RNF17: variants seen among roughly 807,000 people sequenced by gnomAD.
The protein encoded by RNF17 is ring finger protein 17, also known as spermatogenesis associated 23.
RNF17 carries 31 observed loss-of-function variants against 200.5 expected under a neutral mutation model. The observed-to-expected ratio is 0.15, with a 90% CI of 0.12 to 0.21. The LOEUF is 0.21. Ranked by LOEUF, RNF17 falls within the 10% of genes least tolerant of loss-of-function variation. The probability of loss-of-function intolerance (pLI) is 1.00; values close to 1 mark genes in which losing one functional copy is unlikely to be tolerated. For synonymous variants in RNF17, 606 were observed against 637.8 expected (o/e 0.95, Z 0.75); for missense variants, 1,628 against 1,905.1 (o/e 0.85, Z 2.71).
At chr13:24,887,289 G>A in the RNF17 span, among the ~76,000 whole-genome samples, 1 of 152,092 alleles carries the variant, frequency 6.6e-6, no homozygotes. Context: ...TTATACCAGG[G>A]GGCCCCAAAC....
chr13:24,794,938 A>G (rs12429116), intron 10 of RNF17, among the ~76,000 whole-genome samples: 18,872 of 152,118 alleles, frequency 0.12, 1,280 homozygotes, highest in Admixed American at 0.15. Context: ...GGCTGATCTC[A>G]AAACTCCTGT....
intron 34 of RNF17, among the ~76,000 whole-genome samples, chr13:24,878,179 A>G (rs1232134148): frequency 2.0e-5 from 3 of 152,182 alleles, no homozygotes; most frequent in East Asian, 1.9e-4. Flanking sequence ...CACACTGGCT[A>G]TGACAAAAAT....
chr13:24,821,143 ATC>A (rs967223037), intron 15 of RNF17, among the ~76,000 whole-genome samples: 1 of 151,928 alleles, frequency 6.6e-6, no homozygotes, highest in African/African-American at 2.4e-5. Flanking sequence ...CATCACCCTG[ATC>A]TCTCCCTTCA....
intron 2 of RNF17, among the ~76,000 whole-genome samples, chr13:24,773,086 G>T (rs1385822463): frequency 6.6e-6 from 1 of 152,198 alleles, no homozygotes; most frequent in Non-Finnish European, 1.5e-5. Flanking sequence ...GGAGAAAAGA[G>T]AATGCTTATA....
intron 27 of RNF17, among the ~76,000 whole-genome samples, chr13:24,862,105 C>T (rs1373919949): frequency 6.6e-6 from 1 of 152,194 alleles, no homozygotes; most frequent in Non-Finnish European, 1.5e-5. Context: ...ATGATCCAGT[C>T]ACCTCCCACC....
intron 32 of RNF17, among the ~76,000 whole-genome samples, chr13:24,872,612 G>T (rs561354400): frequency 7.2e-5 from 11 of 152,252 alleles, no homozygotes; most frequent in African/African-American, 2.4e-4. Context: ...CTCAAGAACA[G>T]GTGCTCTAAG....
chr13:24,833,533 G>A (rs890265714), intron 18 of RNF17, among the ~76,000 whole-genome samples: 2 of 152,136 alleles, frequency 1.3e-5, no homozygotes, highest in Admixed American at 6.5e-5. Context: ...ATCATGTTTC[G>A]TGGGGTTTTT....
intron 27 of RNF17, 77 bp downstream of exon 27, chr13:24,861,464 A>G: frequency 9.5e-7 from 1 of 1,055,846 alleles, no homozygotes; most frequent in Non-Finnish European, 1.3e-6. Context: ...AATATTTAGA[A>G]TGTAAAATGA....
chr13:24,873,821 T>G (rs1287493137), intron 32 of RNF17, among the ~76,000 whole-genome samples: 4 of 152,220 alleles, frequency 2.6e-5, no homozygotes, highest in African/African-American at 9.6e-5. Flanking sequence ...GATATTTGTC[T>G]TTCTGTGCTT....
intron 24 of RNF17, among the ~76,000 whole-genome samples, chr13:24,852,651 G>C (rs1318301847): frequency 6.6e-6 from 1 of 152,314 alleles, no homozygotes; most frequent in South Asian, 2.1e-4. Context: ...AGATATGGGA[G>C]ATGTGGCCTG....
At chr13:24,764,132 C>A, upstream of RNF17, 1 of 1,448,000 alleles carries the variant, frequency 6.9e-7, no homozygotes, top group Non-Finnish European at 9.4e-7. Context: ...GGCTGGCCTC[C>A]AATGATTGGT....
chr13:24,870,428 G>C (rs748308390), intron 31 of RNF17, 143 bp from the exon 32 acceptor site: 4 of 612,812 alleles, frequency 6.5e-6, no homozygotes, highest in Non-Finnish European at 1.1e-5. Flanking sequence ...TAGGATGTGG[G>C]AAGGAATAGG....
chr13:24,865,056 C>G, intron 29 of RNF17, 58 bp downstream of exon 29: 2 of 1,260,690 alleles, frequency 1.6e-6, no homozygotes, highest in Non-Finnish European at 2.2e-6. Context: ...GTTAAAATGT[C>G]ACATTTTGTC....
intron 11 of RNF17, among the ~76,000 whole-genome samples, chr13:24,798,250 A>G (rs1202742408): frequency 6.6e-6 from 1 of 152,186 alleles, no homozygotes; most frequent in Non-Finnish European, 1.5e-5. Context: ...CAATTAGCCT[A>G]TGTGGTAAGA....
intron 17 of RNF17, 119 bp downstream of exon 17, chr13:24,830,718 G>A: frequency 2.8e-6 from 2 of 706,518 alleles, no homozygotes; most frequent in Non-Finnish European, 4.9e-6. Flanking sequence ...GCTGATACAG[G>A]GACTATAGAT....
chr13:24,860,366 A>C (rs1892972471), intron 26 of RNF17, among the ~76,000 whole-genome samples: 1 of 151,878 alleles, frequency 6.6e-6, no homozygotes, highest in African/African-American at 2.4e-5. Context: ...TTTAATCATC[A>C]CCTTTTATTT....
chr13:24,841,966 C>CA (rs148630636), intron 18 of RNF17, 75 bp from the exon 19 acceptor site: 113,843 of 988,272 alleles, frequency 0.12, 1 homozygote, highest in South Asian at 0.14. Context: ...ACTCTGTCTC[C>CA]AAAAAAAAAA....
intron 14 of RNF17, chr13:24,804,046 G>A (rs985726246): frequency 7.6e-6 from 3 of 396,740 alleles, no homozygotes; most frequent in African/African-American, 2.1e-5. Context: ...CAAGGCAGTA[G>A]GGTCGCCTGA....
downstream of RNF17, chr13:24,883,124 A>AT (rs1953909055): frequency 5.5e-6 from 8 of 1,446,306 alleles, no homozygotes; most frequent in East Asian, 4.5e-5. Context: ...GTAAATGTAC[A>AT]TTTTTTAACA....
Sources: allele counts gnomAD v4.1 joint callset (sites outside exome capture counted in the v4.1 genomes callset), GRCh38; gene constraint gnomAD v4.1.1; transcripts MANE v1.5; gene names NCBI Gene and HGNC (gene_info 2026-07-23, HGNC 2026-07-21).